The following AZIN1 variants were observed in gnomAD, a reference collection of about 807,000 sequenced individuals.
AZIN1 encodes antizyme inhibitor 1.
Under a neutral mutation model 47.4 loss-of-function variants are expected in AZIN1, and 12 were observed. The ratio of observed to expected loss-of-function variants is 0.25; its 90% CI spans 0.16 to 0.41. AZIN1 has a LOEUF of 0.41. AZIN1 is among the 10% of genes least tolerant of loss of function. The pLI, the probability that AZIN1 is intolerant of heterozygous loss-of-function variation, is 1.00. For synonymous variants in AZIN1, 155 were observed against 176.3 expected (o/e 0.88, Z 0.96); for missense variants, 410 against 532.4 (o/e 0.77, Z 2.26).
At chr8:102,830,781 GAC>G (rs1295625497) in intron 9 of AZIN1, among the ~76,000 whole-genome samples, 1 of 152,136 alleles carries the variant, frequency 6.6e-6, no homozygotes, top group Non-Finnish European at 1.5e-5. Flanking sequence ...CTTAAAGACT[GAC>G]ACTACAAAAC....
intron 2 of AZIN1, chr8:102,856,023 TAACACTAAATGGGATAAGTAAAGAC>T (rs1218406028): frequency 4.0e-5 from 6 of 151,224 alleles, no homozygotes; most frequent in Admixed American, 1.3e-4. Context: ...TTAGGAATAT[TAACACTAAATGGGATAAGTAAAGAC>T]AAAAATAGCC....
intron 7 of AZIN1, 151 bp downstream of exon 7, chr8:102,834,515 T>C: frequency 1.5e-6 from 1 of 662,596 alleles, no homozygotes; most frequent in Non-Finnish European, 2.6e-6. Flanking sequence ...GGTGTGACTG[T>C]ACAGAGCTCT....
chr8:102,857,624 A>C (rs1276761030), intron 2 of AZIN1, among the ~76,000 whole-genome samples: 1 of 152,110 alleles, frequency 6.6e-6, no homozygotes, highest in Non-Finnish European at 1.5e-5. Context: ...ATGTATCTCT[A>C]TCTATCTCTA....
chr8:102,848,055 CAGAT>C, intron 2 of AZIN1, among the ~76,000 whole-genome samples: 2 of 152,288 alleles, frequency 1.3e-5, no homozygotes, highest in African/African-American at 4.8e-5. Flanking sequence ...TTTAGATACA[CAGAT>C]ACTTACCACT....
rs1235771881 is a variant in AZIN1 at position 102,838,802 on chromosome 8, G to T, written c.391C>A (p.Leu131Met). The part of the protein sequence containing the change: ...KYAAKVGVNI[L>M]TCDNEIELKK... ...AATTCAATTTCATTGTCACATGTCA[G>T]GATATTCACTCCAACTTTTGCTGCA... The change falls in exon 5 of 12, where the codon CTG (leucine) becomes ATG (methionine). Residue 131 changes from leucine (L) to methionine (M), a missense_variant. Leu to Met is a conservative substitution (Grantham distance 15, BLOSUM62 2). This residue lies in a region of AZIN1 where 237 missense variants were observed against 309.4 expected (regional missense o/e 0.77). Coordinates refer to ENST00000337198, the MANE Select transcript of AZIN1 (RefSeq NM_148174.4). 6.2e-7 allele frequency: 1 copy of T among 1,613,590 alleles called. No individual in the cohort carries two copies. The highest frequency in any genetic ancestry group is 8.5e-7 in the Non-Finnish European group (1 of 1,179,872).
At chr8:102,860,839 G>A (rs536276454) in intron 1 of AZIN1, among the ~76,000 whole-genome samples, 1 of 152,282 alleles carries the variant, frequency 6.6e-6, no homozygotes, top group East Asian at 1.9e-4. Context: ...GTCTAATCAT[G>A]AGAAAAACAT....
At chr8:102,837,593 A>C (rs758830766) in intron 5 of AZIN1, among the ~76,000 whole-genome samples, 1 of 152,202 alleles carries the variant, frequency 6.6e-6, no homozygotes, top group South Asian at 2.1e-4. Context: ...CTAACATACT[A>C]AACATCACAA....
At chr8:102,841,434 G>A (rs1000412383) in intron 3 of AZIN1, among the ~76,000 whole-genome samples, 10 of 152,120 alleles carry the variant, frequency 6.6e-5, no homozygotes, top group South Asian at 2.1e-4. Context: ...TCTGACCCCC[G>A]AAAAGTGTTG....
At chr8:102,845,777 G>A (rs1160267470) in intron 2 of AZIN1, among the ~76,000 whole-genome samples, 1 of 151,878 alleles carries the variant, frequency 6.6e-6, no homozygotes, top group African/African-American at 2.4e-5. Flanking sequence ...GAAAAAATAC[G>A]AAATCAAGAC....
intron 3 of AZIN1, among the ~76,000 whole-genome samples, chr8:102,842,759 G>A (rs184775401): frequency 1.3e-5 from 2 of 151,604 alleles, no homozygotes; most frequent in East Asian, 3.9e-4. Context: ...AGCTGGGCAT[G>A]GTGGCACAGA....
rs902941287 is a variant in AZIN1, at chr8:102,843,628, T to C, written c.25A>G (p.Asn9Asp). 3.1e-6 allele frequency: 5 copies of C among 1,613,980 alleles called. No homozygotes were observed. Among genetic ancestry groups the C allele is most frequent in the African/African-American group, 2.7e-5 (2 of 74,932 alleles). Residue 9 changes from asparagine (N) to aspartate (D), a missense_variant, in exon 3 of 12, where the codon AAC becomes GAC. Physicochemically the swap from Asn to Asp is conservative, Grantham distance 23. Around this residue, in one of 3 missense-constraint regions of AZIN1, gnomAD observed 237 missense variants for 309.4 expected, o/e 0.77. Coordinates refer to ENST00000337198, the MANE Select transcript of AZIN1 (RefSeq NM_148174.4). MKGFIDDA[N>D]YSVGLLDEGT... ...TCATCCAACAGGCCAACGGAGTAGT[T>C]TGCATCATCAATAAATCCTTTCATC...
At chr8:102,862,860 T>A (rs1327342655) in intron 1 of AZIN1, among the ~76,000 whole-genome samples, 1 of 152,220 alleles carries the variant, frequency 6.6e-6, no homozygotes, top group African/African-American at 2.4e-5. Flanking sequence ...AACCAGCAGC[T>A]TTGTCTACGA....
chr8:102,834,284 T>C (rs760130008), intron 7 of AZIN1, 21 bp from the exon 8 acceptor site: 5 of 1,571,590 alleles, frequency 3.2e-6, no homozygotes, highest in Non-Finnish European at 4.4e-6. Flanking sequence ...AAAAAAAAAA[T>C]TTAAATGTTT....
chr8:102,832,543 T>C (rs1162172852), intron 9 of AZIN1, among the ~76,000 whole-genome samples: 5 of 152,324 alleles, frequency 3.3e-5, no homozygotes, highest in East Asian at 1.9e-4. Flanking sequence ...GGATGAGAAT[T>C]AATCATCTGC....
rs375497839 is a variant in AZIN1, at chr8:102,829,393, C to G, written c.1114G>C (p.Glu372Gln). The part of the protein sequence containing the change: ...DQIVESCLLP[E>Q]LNVGDWLIFD... ...ATAAGCCAATCTCCCACATTCAGCTCAGGAAGAAGACAGCTTTCCACAATT... is the reference window on the plus strand; with the variant it reads ...ATAAGCCAATCTCCCACATTCAGCTGAGGAAGAAGACAGCTTTCCACAATT... The change falls in exon 11 of 12, where the codon GAG (glutamate) becomes CAG (glutamine). Residue 372 changes from glutamate (E) to glutamine (Q), a missense_variant. Glu to Gln is a conservative substitution (Grantham distance 29, BLOSUM62 2). Transcript: ENST00000337198. 6.2e-7 allele frequency: 1 copy of G among 1,613,974 alleles called. No homozygotes were observed. The highest frequency in any genetic ancestry group is 1.3e-5 in the African/African-American group (1 of 74,918).
intron 2 of AZIN1, among the ~76,000 whole-genome samples, chr8:102,856,545 A>G (rs1182309410): frequency 6.6e-6 from 1 of 152,224 alleles, no homozygotes; most frequent in Non-Finnish European, 1.5e-5. Flanking sequence ...AATATTAACT[A>G]TAATGCAAGG....
intron 1 of AZIN1, among the ~76,000 whole-genome samples, chr8:102,863,517 G>C (rs1453039490): frequency 6.6e-6 from 1 of 151,092 alleles, no homozygotes; most frequent in Non-Finnish European, 1.5e-5. Context: ...CGAGACCCCC[G>C]CGCGCTCCCC....
At chr8:102,854,858 C>T (rs1298040778) in intron 2 of AZIN1, among the ~76,000 whole-genome samples, 5 of 151,584 alleles carry the variant, frequency 3.3e-5, no homozygotes. Context: ...AATCCCTTTT[C>T]CATACTGCAC....
chr8:102,855,179 CACGAGTAGTTGGCATT>C (rs1468834214), intron 2 of AZIN1, among the ~76,000 whole-genome samples: 1 of 151,740 alleles, frequency 6.6e-6, no homozygotes, highest in African/African-American at 2.4e-5. Flanking sequence ...CTCAGCCTCC[CACGAGTAGTTGGCATT>C]ACAGGCACCT....
Sources: allele counts gnomAD v4.1 joint callset (sites outside exome capture counted in the v4.1 genomes callset), GRCh38; gene constraint gnomAD v4.1.1; regional missense constraint gnomAD v4.1.1; transcripts MANE v1.5; gene names NCBI Gene and HGNC (gene_info 2026-07-23, HGNC 2026-07-21).